CADPS: variants seen among roughly 807,000 people sequenced by gnomAD.
The protein encoded by CADPS is calcium-dependent secretion activator 1.
A neutral mutation model predicts 167.3 loss-of-function variants in CADPS; 57 were observed. That is an observed-to-expected ratio of 0.34 (90% confidence interval 0.28 to 0.42). CADPS has a LOEUF of 0.42. Ranked by LOEUF, CADPS falls within the 20% of genes least tolerant of loss-of-function variation. CADPS has a pLI of 1.00. For missense variants in CADPS, 1,414 were observed against 1,738.1 expected (o/e 0.81, Z 3.32); for synonymous variants, 676 against 635.3 (o/e 1.06, Z -0.96).
At chr3:62,587,091 T>G (rs2084808408) in intron 7 of CADPS, among the ~76,000 whole-genome samples, 1 of 152,198 alleles carries the variant, frequency 6.6e-6, no homozygotes, top group South Asian at 2.1e-4. Flanking sequence ...ATGATATGAG[T>G]GACAGAGTGT....
At chr3:62,797,623 A>G (rs892646255) in intron 1 of CADPS, among the ~76,000 whole-genome samples, 1 of 152,126 alleles carries the variant, frequency 6.6e-6, no homozygotes, top group Admixed American at 6.6e-5. Flanking sequence ...ATGAGAACAC[A>G]TGGACACATA....
chr3:62,453,394 A>G (rs572036239), intron 26 of CADPS, among the ~76,000 whole-genome samples: 1 of 152,332 alleles, frequency 6.6e-6, no homozygotes, highest in East Asian at 1.9e-4. Context: ...TAGTGGAGAA[A>G]GGGATTTTGC....
At chr3:62,802,851 G>A (rs2093853693) in intron 1 of CADPS, among the ~76,000 whole-genome samples, 1 of 152,042 alleles carries the variant, frequency 6.6e-6, no homozygotes, top group African/African-American at 2.4e-5. Context: ...ACTATTCTCT[G>A]GTCTGGTTCA....
At chr3:62,870,701 T>G (rs537859812) in intron 1 of CADPS, among the ~76,000 whole-genome samples, 1 of 152,150 alleles carries the variant, frequency 6.6e-6, no homozygotes, top group Non-Finnish European at 1.5e-5. Context: ...GTAGACACAA[T>G]GCTCATTTTA....
intron 11 of CADPS, among the ~76,000 whole-genome samples, chr3:62,541,855 C>G (rs1577452015): frequency 1.3e-5 from 2 of 152,110 alleles, no homozygotes; most frequent in South Asian, 4.1e-4. Flanking sequence ...ATCTCAGTAT[C>G]AAGCACACTT....
chr3:62,844,252 G>A (rs760648483), intron 1 of CADPS, among the ~76,000 whole-genome samples: 17 of 152,026 alleles, frequency 1.1e-4, no homozygotes, highest in Non-Finnish European at 2.5e-4. Flanking sequence ...TTACAACATC[G>A]AGCTGACAAA....
At chr3:62,849,040 C>A (rs1328482096) in intron 1 of CADPS, among the ~76,000 whole-genome samples, 82 of 149,180 alleles carry the variant, frequency 5.5e-4, no homozygotes, top group African/African-American at 1.9e-3. Context: ...CTCTTTGAAG[C>A]AATTGTGAAT....
intron 27 of CADPS, among the ~76,000 whole-genome samples, chr3:62,444,313 T>G (rs1201965514): frequency 1.3e-5 from 2 of 152,230 alleles, no homozygotes; most frequent in African/African-American, 4.8e-5. Context: ...GACATCACAC[T>G]ACCACCACCA....
At chr3:62,816,815 G>A (rs1397705045) in intron 1 of CADPS, among the ~76,000 whole-genome samples, 1 of 152,080 alleles carries the variant, frequency 6.6e-6, no homozygotes, top group Non-Finnish European at 1.5e-5. Flanking sequence ...TCAGTATCTT[G>A]TGCTAATCCC....
At chr3:62,484,316 A>G (rs149490984) in intron 21 of CADPS, among the ~76,000 whole-genome samples, 2 of 152,194 alleles carry the variant, frequency 1.3e-5, no homozygotes, top group African/African-American at 2.4e-5. Context: ...AATTCTAAGC[A>G]TAATATTTTA....
intron 19 of CADPS, 90 bp downstream of exon 19, chr3:62,493,555 C>A: frequency 1.0e-6 from 1 of 963,810 alleles, no homozygotes; most frequent in Non-Finnish European, 1.6e-6. Flanking sequence ...CTTCTGTGAT[C>A]TATTAGTTAT....
At chr3:62,605,910 T>C (rs1364254206) in intron 6 of CADPS, among the ~76,000 whole-genome samples, 2 of 152,226 alleles carry the variant, frequency 1.3e-5, no homozygotes, top group African/African-American at 4.8e-5. Context: ...GCAATGGCTT[T>C]TGTGTTTTCT....
At chr3:62,449,880 G>T (rs1228824509) in intron 26 of CADPS, among the ~76,000 whole-genome samples, 1 of 151,938 alleles carries the variant, frequency 6.6e-6, no homozygotes, top group Admixed American at 6.6e-5. Context: ...AATGGGTTCA[G>T]GATTAGCTAG....
intron 1 of CADPS, among the ~76,000 whole-genome samples, chr3:62,782,529 G>T (rs564761993): frequency 1.3e-5 from 2 of 152,056 alleles, no homozygotes; most frequent in Non-Finnish European, 2.9e-5. Context: ...GGTAAATTTG[G>T]ACTCACATTT....
chr3:62,616,474 G>C (rs980899177), intron 6 of CADPS, among the ~76,000 whole-genome samples: 1 of 151,840 alleles, frequency 6.6e-6, no homozygotes, highest in South Asian at 2.1e-4. Flanking sequence ...ACATAATTTA[G>C]CTCTTCCTAC....
chr3:62,452,892 T>C (rs1396286769), intron 26 of CADPS, among the ~76,000 whole-genome samples: 2 of 152,144 alleles, frequency 1.3e-5, no homozygotes, highest in African/African-American at 2.4e-5. Flanking sequence ...GGCAGGAGGA[T>C]TGCTTGAAAC....
At chr3:62,445,712 G>GAA (rs369250660) in intron 27 of CADPS, 53 bp downstream of exon 27, 54,965 of 861,130 alleles carry the variant, frequency 0.064, 624 homozygotes, top group South Asian at 0.074. Context: ...AAGTAAAAAT[G>GAA]AAAAAAAAAA....
intron 3 of CADPS, among the ~76,000 whole-genome samples, chr3:62,735,313 A>C (rs2152220745): frequency 6.6e-6 from 1 of 152,146 alleles, no homozygotes; most frequent in Non-Finnish European, 1.5e-5. Flanking sequence ...AAGTGTATGT[A>C]TTTCAGTAAT....
At chr3:62,827,174 C>T (rs2074220770) in intron 1 of CADPS, among the ~76,000 whole-genome samples, 1 of 152,126 alleles carries the variant, frequency 6.6e-6, no homozygotes, top group Non-Finnish European at 1.5e-5. Context: ...AGAAATCTAT[C>T]CCATAGCTGG....
Sources: allele counts gnomAD v4.1 joint callset (sites outside exome capture counted in the v4.1 genomes callset), GRCh38; gene constraint gnomAD v4.1.1; transcripts MANE v1.5; gene names NCBI Gene and HGNC (gene_info 2026-07-23, HGNC 2026-07-21).